The following TENM3 variants were observed in gnomAD, a reference collection of about 807,000 sequenced individuals.
TENM3 encodes the protein teneurin transmembrane protein 3.
A neutral mutation model predicts 255.1 loss-of-function variants in TENM3; 63 were observed. The observed-to-expected ratio is 0.25, with a 90% CI of 0.20 to 0.30. The LOEUF (loss-of-function observed/expected upper bound fraction) is 0.30. Ranked by LOEUF, TENM3 falls within the 10% of genes least tolerant of loss-of-function variation. TENM3 has a pLI of 1.00. For synonymous variants in TENM3, 1,306 were observed against 1,322.3 expected (o/e 0.99, Z 0.27); for missense variants, 2,929 against 3,461.1 (o/e 0.85, Z 3.86).
intron 1 of TENM3, among the ~76,000 whole-genome samples, chr4:182,311,329 T>C (rs943475621): frequency 6.6e-6 from 1 of 152,262 alleles, no homozygotes; most frequent in Non-Finnish European, 1.5e-5. Flanking sequence ...TAATTTTCAA[T>C]ATGACAGCCT....
At chr4:182,030,823 T>A in the TENM3 span, among the ~76,000 whole-genome samples, 1 of 152,204 alleles carries the variant, frequency 6.6e-6, no homozygotes, top group Non-Finnish European at 1.5e-5. Context: ...AGCGTTTTTT[T>A]ATATGTTTAT....
intron 2 of TENM3, among the ~76,000 whole-genome samples, chr4:182,336,442 T>G (rs990454554): frequency 7.2e-5 from 11 of 152,034 alleles, no homozygotes; most frequent in Non-Finnish European, 1.6e-4. Context: ...CACAAAAAAC[T>G]GAAAGAAAAA....
chr4:181,503,493 C>T, the TENM3 span, among the ~76,000 whole-genome samples: 6 of 152,214 alleles, frequency 3.9e-5, no homozygotes, highest in Non-Finnish European at 8.8e-5. Context: ...GATGTAACCT[C>T]AGACAGTGAT....
chr4:182,361,113 C>T (rs985361631), intron 3 of TENM3, among the ~76,000 whole-genome samples: 2 of 152,192 alleles, frequency 1.3e-5, no homozygotes. Context: ...ATGGGCTTCC[C>T]TTTGTGGGTA....
In TENM3 at chr4:182,745,333, A is replaced by G. The variant is rs527395672; in HGVS notation, c.3629+1914A>G. Among the ~76,000 whole-genome samples the G allele has an allele frequency of 6.8e-4, 104 of 152,324 alleles. 1 individual carries two copies. In the South Asian group the frequency reaches 0.021, roughly 31 times the overall value. ...ATCTCCCCAGGATACTGAGCGTGCAAAGCTCTGCTATTAGAAACCACAATA... is the reference window on the plus strand; with the variant it reads ...ATCTCCCCAGGATACTGAGCGTGCAGAGCTCTGCTATTAGAAACCACAATA... On this transcript the variant is annotated intron_variant, in intron 19 of 27. Transcript: ENST00000511685.
At chr4:182,396,324 G>A (rs183970961) in intron 3 of TENM3, among the ~76,000 whole-genome samples, 94 of 152,294 alleles carry the variant, frequency 6.2e-4, no homozygotes, top group Middle Eastern at 6.8e-3. Context: ...AAAGAATGCA[G>A]GCCTTAGAGT....
intron 12 of TENM3, among the ~76,000 whole-genome samples, chr4:182,701,601 G>GA (rs1757884762): frequency 1.3e-5 from 2 of 151,932 alleles, no homozygotes; most frequent in South Asian, 2.1e-4. Flanking sequence ...TATAGATAAG[G>GA]AAAAAAATCA....
intron 3 of TENM3, among the ~76,000 whole-genome samples, chr4:182,414,232 A>C (rs1271339836): frequency 6.6e-6 from 1 of 152,140 alleles, no homozygotes; most frequent in Non-Finnish European, 1.5e-5. Flanking sequence ...TTTTATGCCT[A>C]ATTGTGGTGA....
intron 12 of TENM3, among the ~76,000 whole-genome samples, chr4:182,689,659 CAT>C (rs1001128948): frequency 5.3e-5 from 8 of 152,164 alleles, no homozygotes; most frequent in Non-Finnish European, 1.2e-4. Flanking sequence ...TAGGAGAGGT[CAT>C]GTGTAGCATG....
At chr4:182,502,685 G>A (rs951143877) in intron 3 of TENM3, among the ~76,000 whole-genome samples, 3 of 151,996 alleles carry the variant, frequency 2.0e-5, no homozygotes, top group African/African-American at 7.2e-5. Context: ...CTCTGAGAAT[G>A]TTACCATTTT....
At chr4:181,447,946 T>C in the TENM3 span, among the ~76,000 whole-genome samples, 15 of 152,098 alleles carry the variant, frequency 9.9e-5, no homozygotes, top group Non-Finnish European at 1.8e-4. Context: ...GTAGTACTTC[T>C]GTAAATCAAT....
At position 182,202,515 on chromosome 4, in the gene TENM3, G is replaced by A. The variant is rs547203233; in HGVS notation, c.-76+57761G>A. Among the ~76,000 whole-genome samples, 4 of 152,134 alleles carry A rather than the reference G, an allele frequency of 2.6e-5. No homozygotes were observed. In the South Asian group the frequency reaches 8.3e-4, roughly 32 times the overall value. ...AGACGGGGTTTCTCCATGTTGGTCA[G>A]GCTGGTCTCGAACTCCTGACCTCAG... is the stretch of plus-strand genomic sequence containing the variant. On this transcript the variant is annotated intron_variant, in intron 1 of 2. Transcript: ENST00000512480.
the TENM3 span, among the ~76,000 whole-genome samples, chr4:181,598,696 AAAAAG>A: frequency 3.3e-5 from 5 of 152,026 alleles, no homozygotes; most frequent in Middle Eastern, 3.4e-3. Flanking sequence ...AAGAAAAAAA[AAAAAG>A]AAAACCATAA....
At chr4:182,296,273 A>G (rs927611012) in intron 1 of TENM3, among the ~76,000 whole-genome samples, 6 of 152,318 alleles carry the variant, frequency 3.9e-5, no homozygotes, top group South Asian at 4.1e-4. Context: ...AATTACCCAT[A>G]TACTATTTTA....
In TENM3 at chr4:182,161,813, ATG is replaced by A; in HGVS notation, c.-76+17061_-76+17062del. On this transcript the variant is annotated intron_variant, in intron 1 of 2. Transcript: ENST00000512480. ...TATATGTATATATATACACATATAT[ATG>A]TATATATATACACATATATATGTGT... Among the ~76,000 whole-genome samples, 3 of 43,228 alleles carry A rather than the reference ATG, an allele frequency of 6.9e-5. 1 individual carries two copies. The South Asian group carries it at 3.6e-3, about 52-fold the overall frequency. 28.4% of individuals were successfully genotyped at this position (43,228 alleles called of 152,430 possible). A position where few individuals can be genotyped will look rare whatever the true frequency, so the allele number is the denominator to read the frequency against.
At chr4:182,100,480 C>CATATATATATATAT in the TENM3 span, among the ~76,000 whole-genome samples, 3 of 138,994 alleles carry the variant, frequency 2.2e-5, 1 homozygote, top group Admixed American at 2.2e-4. Flanking sequence ...CACACACACA[C>CATATATATATATAT]ACATATATAT....
chr4:181,801,695 T>TATAA, the TENM3 span, among the ~76,000 whole-genome samples: 2 of 125,928 alleles, frequency 1.6e-5, no homozygotes, highest in African/African-American at 6.2e-5. Context: ...TATATATATA[T>TATAA]ATGCAACAAT....
At chr4:182,655,236 T>C (rs1753655542) in intron 6 of TENM3, among the ~76,000 whole-genome samples, 1 of 152,248 alleles carries the variant, frequency 6.6e-6, no homozygotes, top group South Asian at 2.1e-4. Flanking sequence ...TTAAAATGCA[T>C]GGTTCCTGTG....
chr4:182,259,407 G>C (rs796268755), intron 1 of TENM3, among the ~76,000 whole-genome samples: 18 of 152,198 alleles, frequency 1.2e-4, no homozygotes, highest in African/African-American at 4.3e-4. Context: ...CAACCTCTGG[G>C]CTTCAGCGAT....
Sources: allele counts gnomAD v4.1 joint callset (sites outside exome capture counted in the v4.1 genomes callset), GRCh38; gene constraint gnomAD v4.1.1; transcripts MANE v1.5; gene names NCBI Gene and HGNC (gene_info 2026-07-23, HGNC 2026-07-21).